LGR6: variants seen among roughly 807,000 people sequenced by gnomAD.
LGR6 encodes the protein leucine rich repeat containing G protein-coupled receptor 6, also known as leucine-rich repeat-containing G protein-coupled receptor 6.
LGR6 carries 45 observed loss-of-function variants against 69.4 expected under a neutral mutation model. The ratio of observed to expected loss-of-function variants is 0.65; its 90% CI spans 0.51 to 0.83. The LOEUF (loss-of-function observed/expected upper bound fraction) is 0.83. Ranked by LOEUF, LGR6 falls within the 40% of genes least tolerant of loss-of-function variation. LGR6 has a pLI of 0.00. For missense variants in LGR6, 1,108 were observed against 1,246.7 expected, an observed-to-expected ratio of 0.89 and a Z score of 1.68; for synonymous variants, 538 against 555.0, an observed-to-expected ratio of 0.97 and a Z score of 0.43.
At chr1:202,197,658 C>G (rs1658694023) in intron 1 of LGR6, among the ~76,000 whole-genome samples, 1 of 151,604 alleles carries the variant, frequency 6.6e-6, no homozygotes, top group South Asian at 2.1e-4. Flanking sequence ...GACTTCATAA[C>G]AAGGTTTGAG....
At chr1:202,263,100 T>C (rs1664368093) in intron 4 of LGR6, among the ~76,000 whole-genome samples, 1 of 152,076 alleles carries the variant, frequency 6.6e-6, no homozygotes. Flanking sequence ...ACACCCTCAA[T>C]AAATTATTTT....
At chr1:202,245,720 G>A in intron 4 of LGR6, among the ~76,000 whole-genome samples, 1 of 152,230 alleles carries the variant, frequency 6.6e-6, no homozygotes, top group East Asian at 1.9e-4. Context: ...GCCCCCAGTC[G>A]GGACCAGGAG....
chr1:202,237,187 C>G (rs1661644120), intron 4 of LGR6, among the ~76,000 whole-genome samples: 1 of 152,244 alleles, frequency 6.6e-6, no homozygotes, highest in South Asian at 2.1e-4. Flanking sequence ...GCTTCTGCCC[C>G]CCCTTCCCAA....
chr1:202,310,503 G>T, intron 16 of LGR6, 146 bp downstream of exon 16: 2 of 734,180 alleles, frequency 2.7e-6, no homozygotes. Context: ...TGTGACCTGG[G>T]AGGAAACTCT....
chr1:202,289,119 C>T (rs1422837866), intron 6 of LGR6, among the ~76,000 whole-genome samples: 1 of 152,146 alleles, frequency 6.6e-6, no homozygotes, highest in African/African-American at 2.4e-5. Flanking sequence ...GGATAGAGTA[C>T]AATGATCATC....
intron 4 of LGR6, among the ~76,000 whole-genome samples, chr1:202,241,631 C>T (rs1662213029): frequency 6.6e-6 from 1 of 150,656 alleles, no homozygotes; most frequent in African/African-American, 2.4e-5. Flanking sequence ...CACAGGAAGC[C>T]AGCAGAGCCT....
intron 1 of LGR6, chr1:202,194,705 C>CCG (rs1553236879): frequency 4.5e-5 from 9 of 198,782 alleles, no homozygotes; most frequent in South Asian, 1.5e-4. Flanking sequence ...TTCGTGGGGG[C>CCG]GGGGGGGGCG....
Position 202,318,536 on chromosome 1 carries a change from C to G in LGR6, c.2233C>G (p.Leu745Val), listed in dbSNP as rs1424689369. The G allele has an allele frequency of 6.2e-7, 1 of 1,614,012 alleles. No individual in the cohort carries two copies. Among genetic ancestry groups the G allele is most frequent in the Non-Finnish European group, 8.5e-7 (1 of 1,180,016 alleles). Residue 745 changes from leucine to valine, a missense_variant, in exon 18 of 18, where the codon CTG (leucine) becomes GTG (valine). By Grantham distance (32) the Leu-to-Val change is conservative. Coordinates refer to ENST00000367278, the MANE Select transcript of LGR6 (RefSeq NM_001017403.2). Reference protein sequence around the residue: ...ALVMMNSFCFLVVAGAYIKLY... With the variant: ...ALVMMNSFCFVVVAGAYIKLY... The stretch of plus-strand genomic sequence containing the variant: ...GGTGATGATGAACTCCTTCTGTTTC[C>G]TGGTCGTGGCCGGTGCCTACATCAA...
Position 202,289,530 on chromosome 1 carries a change from G to T in LGR6, c.717-7978G>T, listed in dbSNP as rs149947517. ...AGGTAGATTCTGAATTTTCTCTCTGGCAAGAAAGAGAACGTAGGTGGAAGG... is the reference window on the plus strand; with the variant it reads ...AGGTAGATTCTGAATTTTCTCTCTGTCAAGAAAGAGAACGTAGGTGGAAGG... On this transcript the variant is annotated intron_variant, in intron 6 of 17. Coordinates refer to ENST00000367278, the MANE Select transcript of LGR6 (RefSeq NM_001017403.2). 1.8e-4 allele frequency among the ~76,000 whole-genome samples: 27 copies of T among 152,260 alleles called. No individual in the cohort carries two copies. The East Asian group carries it at 5.0e-3, about 28-fold the overall frequency.
At position 202,309,192 on chromosome 1, in the gene LGR6, TC is replaced by T; in HGVS notation, c.1406+20del. 1.2e-6 allele frequency: 2 copies of T among 1,613,512 alleles called. No individual in the cohort carries two copies. The highest frequency in any genetic ancestry group is 1.7e-6 in the Non-Finnish European group (2 of 1,179,676). ...CAAAACTGAGGTGAGGGACTGGCTTTCCCCAACACCTGGGTAGGCCAGCTGG... is the reference window on the plus strand; with the variant it reads ...CAAAACTGAGGTGAGGGACTGGCTTTCCCAACACCTGGGTAGGCCAGCTGG... On this transcript the variant is annotated intron_variant, in intron 15 of 17. Transcript: ENST00000367278.
At chr1:202,265,596 AACTCAAAGAACACCGG>A (rs1236124866) in intron 4 of LGR6, among the ~76,000 whole-genome samples, 2 of 152,224 alleles carry the variant, frequency 1.3e-5, no homozygotes, top group African/African-American at 4.8e-5. Flanking sequence ...GTGAACAGTG[AACTCAAAGAACACCGG>A]ACTCAAAACC....
At chr1:202,279,009 G>A (rs1189552434) in intron 5 of LGR6, among the ~76,000 whole-genome samples, 1 of 152,178 alleles carries the variant, frequency 6.6e-6, no homozygotes, top group Admixed American at 6.5e-5. Context: ...AAGACACCAG[G>A]GTTGAATGAG....
intron 4 of LGR6, among the ~76,000 whole-genome samples, chr1:202,252,428 T>C (rs890236888): frequency 2.0e-5 from 3 of 152,174 alleles, no homozygotes; most frequent in Non-Finnish European, 4.4e-5. Flanking sequence ...CCTCACTCTT[T>C]ATAATTATTT....
At chr1:202,301,274 C>T (rs1667574915) in intron 9 of LGR6, 39 bp downstream of exon 9, 1 of 1,536,654 alleles carries the variant, frequency 6.5e-7, no homozygotes, top group African/African-American at 1.4e-5. Flanking sequence ...CCTGAACTTC[C>T]CCCTTTCCTC....
intron 11 of LGR6, among the ~76,000 whole-genome samples, chr1:202,305,419 C>T (rs1653083504): frequency 6.6e-6 from 1 of 152,160 alleles, no homozygotes; most frequent in Admixed American, 6.5e-5. Context: ...TGCCTGTTTC[C>T]TCTTCACCAC....
chr1:202,281,786 T>C (rs1276466593), intron 6 of LGR6, among the ~76,000 whole-genome samples: 1 of 149,308 alleles, frequency 6.7e-6, no homozygotes, highest in East Asian at 2.0e-4. Context: ...CAACCCCCCT[T>C]ATTCTCCACC....
chr1:202,319,370 C>CACCA lies in LGR6; in HGVS notation c.*166_*169dup. The CACCA allele has an allele frequency of 1.4e-6, 1 of 716,068 alleles. No homozygotes were observed. Among genetic ancestry groups the CACCA allele is most frequent in the Non-Finnish European group, 2.1e-6 (1 of 469,754 alleles). The allele number at this position is 716,068 out of a possible 1,614,324, so 44.4% of individuals were successfully genotyped here. A position where few individuals can be genotyped will look rare whatever the true frequency, so the allele number is the denominator to read the frequency against. ...CTGATCACCTCTCTCCTGTGACCAT[C>CACCA]ACCAACGGGTGCCTCTTGGCCTGGC... On this transcript the variant is annotated 3_prime_UTR_variant, in exon 18 of 18. Coordinates refer to ENST00000367278, the MANE Select transcript of LGR6 (RefSeq NM_001017403.2).
chr1:202,229,487 C>T (rs146239332), intron 3 of LGR6, among the ~76,000 whole-genome samples: 14 of 152,332 alleles, frequency 9.2e-5, no homozygotes, highest in Admixed American at 3.9e-4. Context: ...ACCTGCAGCC[C>T]GGATTAGAGA....
intron 4 of LGR6, among the ~76,000 whole-genome samples, chr1:202,238,412 CTTTTTT>C (rs60376943): frequency 3.6e-5 from 3 of 83,982 alleles, no homozygotes; most frequent in South Asian, 5.6e-4. Flanking sequence ...CAGCCTGATC[CTTTTTT>C]TTTTTTTTTT....
Sources: allele counts gnomAD v4.1 joint callset (sites outside exome capture counted in the v4.1 genomes callset), GRCh38; gene constraint gnomAD v4.1.1; transcripts MANE v1.5; gene names NCBI Gene and HGNC (gene_info 2026-07-23, HGNC 2026-07-21).